SPECC1L: variants seen among roughly 807,000 people sequenced by gnomAD.
SPECC1L encodes the protein cytospin-A.
SPECC1L carries 40 observed loss-of-function variants against 116.8 expected under a neutral mutation model. The ratio of observed to expected loss-of-function variants is 0.34; its 90% CI spans 0.27 to 0.45. The LOEUF is 0.45. Ranked by LOEUF, SPECC1L falls within the 20% of genes least tolerant of loss-of-function variation. SPECC1L has a pLI of 1.00. For synonymous variants in SPECC1L, 504 were observed against 500.6 expected, an observed-to-expected ratio of 1.01 and a Z score of -0.09; for missense variants, 1,110 against 1,373.6, an observed-to-expected ratio of 0.81 and a Z score of 3.03.
At chr22:24,380,037 A>G (rs2042036540) in intron 14 of SPECC1L, among the ~76,000 whole-genome samples, 7 of 151,962 alleles carry the variant, frequency 4.6e-5, no homozygotes, top group Admixed American at 4.6e-4. Flanking sequence ...CGCCCAGCTA[A>G]TTTTTGTATT....
chr22:24,276,319 G>C (rs911428812), intron 1 of SPECC1L, among the ~76,000 whole-genome samples: 2 of 152,038 alleles, frequency 1.3e-5, no homozygotes, highest in African/African-American at 4.8e-5. Flanking sequence ...GTGGTCTCAG[G>C]TACTTGAGAG....
At chr22:24,312,072 G>A (rs966918162) in intron 3 of SPECC1L, among the ~76,000 whole-genome samples, 6 of 152,164 alleles carry the variant, frequency 3.9e-5, no homozygotes, top group Non-Finnish European at 5.9e-5. Flanking sequence ...GGGCTCAAGC[G>A]ATCCTCTCAC....
At chr22:24,296,945 ATC>A (rs1398416772) in intron 2 of SPECC1L, among the ~76,000 whole-genome samples, 23 of 148,982 alleles carry the variant, frequency 1.5e-4, no homozygotes, top group African/African-American at 5.2e-4. Flanking sequence ...GCTTTAGAAT[ATC>A]TTTTTTTTTT....
At chr22:24,390,872 C>CTTTTCTTTT (rs2042253331) in intron 14 of SPECC1L, among the ~76,000 whole-genome samples, 3 of 57,118 alleles carry the variant, frequency 5.3e-5, no homozygotes, top group African/African-American at 2.3e-4. Flanking sequence ...TTTTTCTTTT[C>CTTTTCTTTT]TTTTTTTTTT....
chr22:24,283,567 AT>A (rs1223951647), intron 2 of SPECC1L, among the ~76,000 whole-genome samples: 2 of 152,294 alleles, frequency 1.3e-5, no homozygotes, highest in East Asian at 3.9e-4. Flanking sequence ...TCTTTGTCAG[AT>A]TTTGGTATCA....
intron 3 of SPECC1L, among the ~76,000 whole-genome samples, chr22:24,303,771 T>C (rs1210932520): frequency 6.7e-6 from 1 of 149,690 alleles, no homozygotes; most frequent in Non-Finnish European, 1.5e-5. Flanking sequence ...AAAGCAAAAC[T>C]GTACACTTAC....
intron 14 of SPECC1L, among the ~76,000 whole-genome samples, chr22:24,396,145 A>G (rs1172285449): frequency 6.6e-6 from 1 of 152,182 alleles, no homozygotes; most frequent in Non-Finnish European, 1.5e-5. Context: ...TTAGGCATCT[A>G]AACTTGTGGA....
chr22:24,399,290 G>T (rs907573865), intron 14 of SPECC1L, among the ~76,000 whole-genome samples: 1 of 152,212 alleles, frequency 6.6e-6, no homozygotes, highest in East Asian at 1.9e-4. Context: ...AAGTTAAAGC[G>T]CCGGGCATGG....
In SPECC1L at chr22:24,316,916, C is replaced by T. The variant is rs551772482; in HGVS notation, c.307+3450C>T. Among the ~76,000 whole-genome samples the T allele has an allele frequency of 3.4e-5, 4 of 118,324 alleles. 1 individual carries two copies. In the East Asian group the frequency reaches 1.1e-3, roughly 32 times the overall value. The allele number at this position is 118,324 out of a possible 152,430, so 77.6% of individuals were successfully genotyped here. Reference sequence around the variant, plus strand: ...GCTGGCCGGGCGGGGGGCTGACCCCCCCAACCTCCCTCCCAGACGGGGCGG... The same window carrying T: ...GCTGGCCGGGCGGGGGGCTGACCCCTCCAACCTCCCTCCCAGACGGGGCGG... On this transcript the variant is annotated intron_variant, in intron 4 of 16. Coordinates refer to ENST00000314328, the MANE Select transcript of SPECC1L (RefSeq NM_015330.6).
intron 14 of SPECC1L, among the ~76,000 whole-genome samples, chr22:24,374,590 C>T (rs1469640492): frequency 8.0e-6 from 1 of 124,866 alleles, no homozygotes; most frequent in African/African-American, 3.2e-5. Context: ...CACATGGACA[C>T]AGGAAGGGGA....
intron 8 of SPECC1L, among the ~76,000 whole-genome samples, chr22:24,331,495 G>C (rs1376696954): frequency 2.0e-5 from 3 of 152,126 alleles, no homozygotes; most frequent in African/African-American, 7.2e-5. Context: ...GTTATCCTGA[G>C]TGAATGAAAT....
chr22:24,362,332 TAGA>T (rs2041661998), intron 11 of SPECC1L, among the ~76,000 whole-genome samples: 1 of 151,888 alleles, frequency 6.6e-6, no homozygotes, highest in South Asian at 2.1e-4. Context: ...TAGGAGGGAA[TAGA>T]GGAGGAGGTG....
Position 24,322,796 on chromosome 22 carries a change from C to G in SPECC1L, c.1816C>G (p.Gln606Glu), listed in dbSNP as rs2040746967. Residue 606 changes from glutamine to glutamate, a missense_variant, in exon 5 of 17, where the codon CAG becomes GAG. Around this residue, in one of 4 missense-constraint regions of SPECC1L, gnomAD observed 575 missense variants for 682.4 expected, o/e 0.84. Coordinates refer to ENST00000314328, the MANE Select transcript of SPECC1L (RefSeq NM_015330.6). ...TAACTCTGGAGACAAATCTGATATT[C>G]AGGACCTCCTGGAGAGTGTCAGGCT... ...IHNSGDKSDI[Q>E]DLLESVRLDK... 6.3e-7 allele frequency: 1 copy of G among 1,591,908 alleles called. No individual in the cohort carries two copies. Among genetic ancestry groups the G allele is most frequent in the East Asian group, 2.2e-5 (1 of 44,754 alleles).
At chr22:24,372,214 C>G (rs2041885200) in intron 14 of SPECC1L, among the ~76,000 whole-genome samples, 1 of 152,130 alleles carries the variant, frequency 6.6e-6, no homozygotes, top group Non-Finnish European at 1.5e-5. Flanking sequence ...CAAGGAGGAG[C>G]TGGTACCATT....
chr22:24,343,231 T>C (rs1242972458), intron 10 of SPECC1L, among the ~76,000 whole-genome samples: 1 of 151,952 alleles, frequency 6.6e-6, no homozygotes, highest in Non-Finnish European at 1.5e-5. Context: ...ATAGCCAAAA[T>C]CCATCCAAAT....
At chr22:24,336,090 T>C (rs2041048691) in intron 9 of SPECC1L, among the ~76,000 whole-genome samples, 1 of 152,082 alleles carries the variant, frequency 6.6e-6, no homozygotes, top group Admixed American at 6.6e-5. Context: ...AAGACAGTTA[T>C]GACCAATTAA....
At chr22:24,271,435 C>T (rs2146307460) in intron 1 of SPECC1L, among the ~76,000 whole-genome samples, 1 of 152,378 alleles carries the variant, frequency 6.6e-6, no homozygotes, top group Non-Finnish European at 1.5e-5. Flanking sequence ...GGAGCAGGGG[C>T]CACAGGCGGC....
intron 3 of SPECC1L, among the ~76,000 whole-genome samples, chr22:24,311,856 C>T (rs1454072964): frequency 4.1e-5 from 6 of 147,836 alleles, no homozygotes; most frequent in Middle Eastern, 7.1e-3. Context: ...GAAATTAATG[C>T]AGTGTTTCCC....
intron 11 of SPECC1L, among the ~76,000 whole-genome samples, chr22:24,357,420 A>G (rs114801569): frequency 0.034 from 5,138 of 152,264 alleles, 177 homozygotes; most frequent in African/African-American, 0.083. Context: ...TGATATATTA[A>G]TCATAGTTAT....
Sources: gnomAD v4.1 joint callset for allele counts (sites outside exome capture counted in the v4.1 genomes callset) on GRCh38, gnomAD v4.1.1 for gene constraint, gnomAD v4.1.1 regional missense constraint, MANE v1.5 for transcripts, NCBI Gene and HGNC (gene_info 2026-07-23, HGNC 2026-07-21) for gene names.